TWSG1: variants seen among roughly 807,000 people sequenced by gnomAD.
TWSG1 encodes the protein twisted gastrulation protein homolog 1.
Under a neutral mutation model 23.0 loss-of-function variants are expected in TWSG1, and 15 were observed. The observed-to-expected ratio is 0.65, with a 90% CI of 0.44 to 1.00. TWSG1 has a LOEUF of 1.00. TWSG1 is among the 50% of genes least tolerant of loss of function. The pLI is 0.00. For synonymous variants in TWSG1, 86 were observed against 92.8 expected (o/e 0.93, Z 0.42); for missense variants, 242 against 278.7 (o/e 0.87, Z 0.94).
chr18:9,357,335 A>C (rs903121499), intron 2 of TWSG1, among the ~76,000 whole-genome samples: 1 of 152,238 alleles, frequency 6.6e-6, no homozygotes, highest in Admixed American at 6.5e-5. Context: ...CTAATGAATT[A>C]GTTAGAAAAT....
intron 3 of TWSG1, among the ~76,000 whole-genome samples, chr18:9,382,335 C>A (rs2040660855): frequency 1.3e-5 from 2 of 151,988 alleles, no homozygotes; most frequent in South Asian, 2.1e-4. Context: ...CCAGCTTGGC[C>A]AACATGGTGA....
At position 9,396,927 on chromosome 18, in the gene TWSG1, C is replaced by T. The variant is rs892005647; in HGVS notation, c.490+381C>T. ...TACAAAAATTAGCCGGGTGTGGTGG[C>T]GGGCGCCTGTAGTCCAGCTACGAGG... On this transcript the variant is annotated intron_variant, in intron 4 of 4. Coordinates refer to ENST00000262120, the MANE Select transcript of TWSG1 (RefSeq NM_020648.6). 1.5e-4 allele frequency: 33 copies of T among 220,704 alleles called. 1 individual carries two copies. The highest frequency in any genetic ancestry group is 1.5e-3 in the Middle Eastern group (1 of 668). 13.7% of individuals were successfully genotyped at this position (220,704 alleles called of 1,614,324 possible).
At chr18:9,391,243 G>A (rs2040711103) in intron 3 of TWSG1, among the ~76,000 whole-genome samples, 1 of 152,084 alleles carries the variant, frequency 6.6e-6, no homozygotes, top group Non-Finnish European at 1.5e-5. Context: ...ACATCCTCAG[G>A]CTCCGCTTCT....
At chr18:9,370,414 T>C (rs1387996123) in intron 3 of TWSG1, among the ~76,000 whole-genome samples, 1 of 152,180 alleles carries the variant, frequency 6.6e-6, no homozygotes, top group Non-Finnish European at 1.5e-5. Flanking sequence ...TCCAATCTCT[T>C]CCCAAATTCA....
At chr18:9,378,989 A>T (rs2040643832) in intron 3 of TWSG1, among the ~76,000 whole-genome samples, 1 of 152,196 alleles carries the variant, frequency 6.6e-6, no homozygotes, top group Admixed American at 6.5e-5. Context: ...CACACCAGTC[A>T]GAGTGGCTAT....
chr18:9,361,182 C>G (rs1333425836), intron 3 of TWSG1, among the ~76,000 whole-genome samples: 1 of 152,100 alleles, frequency 6.6e-6, no homozygotes, highest in Non-Finnish European at 1.5e-5. Context: ...CTAATCTTTT[C>G]ACCCTTGTAT....
chr18:9,350,696 T>C (rs1598822523), intron 2 of TWSG1, among the ~76,000 whole-genome samples: 1 of 152,238 alleles, frequency 6.6e-6, no homozygotes, highest in Non-Finnish European at 1.5e-5. Flanking sequence ...AAATAAGTAC[T>C]CTTTTCAATA....
intron 3 of TWSG1, among the ~76,000 whole-genome samples, chr18:9,363,917 C>A (rs748061159): frequency 6.6e-6 from 1 of 152,122 alleles, no homozygotes; most frequent in Non-Finnish European, 1.5e-5. Flanking sequence ...TGTGAGCCAC[C>A]GCACCCGGCC....
intron 3 of TWSG1, among the ~76,000 whole-genome samples, chr18:9,379,639 T>G (rs1204726210): frequency 2.0e-5 from 3 of 152,100 alleles, no homozygotes; most frequent in Non-Finnish European, 4.4e-5. Flanking sequence ...ATAACAAACC[T>G]GCACAAGTAC....
chr18:9,382,561 C>A (rs896982459), intron 3 of TWSG1, among the ~76,000 whole-genome samples: 1 of 150,794 alleles, frequency 6.6e-6, no homozygotes, highest in African/African-American at 2.4e-5. Context: ...CACCTATAAT[C>A]CCAGCACTTT....
intron 2 of TWSG1, among the ~76,000 whole-genome samples, chr18:9,339,476 G>C: frequency 6.6e-6 from 1 of 152,080 alleles, no homozygotes; most frequent in East Asian, 1.9e-4. Flanking sequence ...TAGAGACAGG[G>C]TTTTGCCATG....
intron 4 of TWSG1, chr18:9,396,772 G>C (rs1031846846): frequency 1.6e-6 from 1 of 608,082 alleles, no homozygotes; most frequent in East Asian, 2.9e-5. Flanking sequence ...AGATAAAAAG[G>C]CATGTCGGCT....
chr18:9,335,249 G>A (rs1341194438), intron 1 of TWSG1, among the ~76,000 whole-genome samples: 1 of 152,216 alleles, frequency 6.6e-6, no homozygotes, highest in Non-Finnish European at 1.5e-5. Flanking sequence ...CCTCTGCCTC[G>A]CGGGGCGTCC....
At chr18:9,389,559 A>G (rs1262129773) in intron 3 of TWSG1, among the ~76,000 whole-genome samples, 1 of 152,180 alleles carries the variant, frequency 6.6e-6, no homozygotes, top group Non-Finnish European at 1.5e-5. Context: ...CTGTCATACA[A>G]CCTAAGTTAT....
At chr18:9,389,379 G>C (rs115538423) in intron 3 of TWSG1, among the ~76,000 whole-genome samples, 1 of 152,038 alleles carries the variant, frequency 6.6e-6, no homozygotes, top group African/African-American at 2.4e-5. Context: ...TAAAGATTAC[G>C]TATAGATATA....
In TWSG1 at chr18:9,337,183, G is replaced by A. The variant is rs2040426858; in HGVS notation, c.-37-10G>A. ...TTGCCTTTGAATTAAAGTTGTGTTT[G>A]TTTGTTTAGTTTCCTGGGAGTTACT... On this transcript the variant is annotated splice_polypyrimidine_tract_variant and intron_variant, in intron 1 of 4. Coordinates refer to ENST00000262120, the MANE Select transcript of TWSG1 (RefSeq NM_020648.6). The A allele has an allele frequency of 6.3e-7, 1 of 1,599,908 alleles. No homozygotes were observed. The highest frequency in any genetic ancestry group is 1.1e-5 in the South Asian group (1 of 90,742).
chr18:9,390,948 A>G lies in TWSG1; in HGVS notation c.224-5332A>G, dbSNP rs115755183. Among the ~76,000 whole-genome samples, 623 of 152,304 alleles carry G rather than the reference A, an allele frequency of 4.1e-3. 2 individuals are homozygous for G. Among genetic ancestry groups the G allele is most frequent in the African/African-American group, 0.014 (579 of 41,568 alleles). On this transcript the variant is annotated intron_variant, in intron 3 of 4. Transcript: ENST00000262120. The stretch of plus-strand genomic sequence containing the variant: ...GGATCCACTTGAATCCAAGAGTTCA[A>G]TGCTGCAGTGAGTTATGATTGTGCC...
At chr18:9,374,280 T>C (rs1476619512) in intron 3 of TWSG1, among the ~76,000 whole-genome samples, 1 of 151,996 alleles carries the variant, frequency 6.6e-6, no homozygotes, top group Non-Finnish European at 1.5e-5. Flanking sequence ...ATAAAATGGA[T>C]GATCTTCTAA....
chr18:9,386,030 G>A (rs9675975), intron 3 of TWSG1, among the ~76,000 whole-genome samples: 70,892 of 151,594 alleles, frequency 0.47, 16,726 homozygotes, highest in Middle Eastern at 0.58. Flanking sequence ...TTAGCTAGGC[G>A]TGGTGGCGCA....
Sources: allele counts gnomAD v4.1 joint callset (sites outside exome capture counted in the v4.1 genomes callset), GRCh38; gene constraint gnomAD v4.1.1; transcripts MANE v1.5; gene names NCBI Gene and HGNC (gene_info 2026-07-23, HGNC 2026-07-21).